KSR1: variants seen among roughly 807,000 people sequenced by gnomAD.
The protein encoded by KSR1 is kinase suppressor of ras.
Under a neutral mutation model 92.9 loss-of-function variants are expected in KSR1, and 35 were observed. The ratio of observed to expected loss-of-function variants is 0.38; its 90% CI spans 0.29 to 0.50. The LOEUF is 0.50. KSR1 is among the 20% of genes least tolerant of loss of function. The probability of loss-of-function intolerance (pLI) is 0.94; values close to 1 mark genes in which losing one functional copy is unlikely to be tolerated. For missense variants in KSR1, 972 were observed against 1,158.5 expected, an observed-to-expected ratio of 0.84 and a Z score of 2.34; for synonymous variants, 467 against 472.6, an observed-to-expected ratio of 0.99 and a Z score of 0.15.
chr17:27,459,467 C>A lies in KSR1; in HGVS notation c.231+2593C>A, dbSNP rs2019334124. ...CAGGTGGGTGACACAAGCCAGGAAA[C>A]AATCTCAGCAAGCTGGGTGGGACCG... On this transcript the variant is annotated intron_variant, in intron 1 of 20. Coordinates refer to ENST00000644974, the MANE Select transcript of KSR1 (RefSeq NM_001394583.1). This position sits in a 1 kb window ranked among gnomAD's most constrained non-coding sequence, Gnocchi z 4.6. Among the ~76,000 whole-genome samples the A allele has an allele frequency of 6.6e-6, 1 of 152,252 alleles. No homozygotes were observed. The highest frequency in any genetic ancestry group is 2.4e-5 in the African/African-American group (1 of 41,464).
At chr17:27,499,334 G>T (rs1467090881) in intron 1 of KSR1, among the ~76,000 whole-genome samples, 2 of 152,184 alleles carry the variant, frequency 1.3e-5, no homozygotes, top group East Asian at 3.9e-4. Flanking sequence ...GGGCACTTGG[G>T]AACCTGGTTA....
At chr17:27,595,424 C>A (rs1050418463) in intron 9 of KSR1, among the ~76,000 whole-genome samples, 1 of 152,252 alleles carries the variant, frequency 6.6e-6, no homozygotes, top group Non-Finnish European at 1.5e-5. Flanking sequence ...AGCGCAGTAA[C>A]GCTCTGACAT....
At chr17:27,622,131 T>C (rs2074241111) in intron 20 of KSR1, 1 of 607,878 alleles carries the variant, frequency 1.6e-6, no homozygotes, top group Non-Finnish European at 2.9e-6. Flanking sequence ...CCACGTGGCC[T>C]GCATATGCCC....
intron 11 of KSR1, chr17:27,601,927 T>C (rs746678647): frequency 1.6e-5 from 25 of 1,609,194 alleles, no homozygotes; most frequent in Middle Eastern, 1.6e-4. Flanking sequence ...AATGCCTCCT[T>C]ATTGCAGAAA....
intron 9 of KSR1, among the ~76,000 whole-genome samples, chr17:27,593,872 C>T (rs375228281): frequency 6.6e-6 from 1 of 152,230 alleles, no homozygotes; most frequent in African/African-American, 2.4e-5. Context: ...GAAGGTCCAC[C>T]TTCTCACAGA....
At chr17:27,481,213 T>C in intron 1 of KSR1, among the ~76,000 whole-genome samples, 1 of 152,308 alleles carries the variant, frequency 6.6e-6, no homozygotes, top group East Asian at 1.9e-4. Context: ...TTTGTGAGTT[T>C]CGTGATTCAC....
At chr17:27,588,329 T>C (rs1179335484) in intron 5 of KSR1, 146 bp from the exon 6 acceptor site, 2 of 605,134 alleles carry the variant, frequency 3.3e-6, no homozygotes, top group Admixed American at 3.3e-5. Context: ...CCTGCTCCTG[T>C]GTTGATGGAC....
At chr17:27,532,984 G>T (rs999725791) in intron 1 of KSR1, among the ~76,000 whole-genome samples, 4 of 152,200 alleles carry the variant, frequency 2.6e-5, no homozygotes, top group Non-Finnish European at 5.9e-5. Flanking sequence ...CGTTGGGTTG[G>T]CTTCCTGACC....
At chr17:27,511,150 T>C (rs752669337) in intron 1 of KSR1, among the ~76,000 whole-genome samples, 2 of 152,370 alleles carry the variant, frequency 1.3e-5, no homozygotes, top group Non-Finnish European at 2.9e-5. Flanking sequence ...GTGAGGAGTT[T>C]CCTGGCTAGA....
intron 1 of KSR1, among the ~76,000 whole-genome samples, chr17:27,499,359 T>C (rs2069098617): frequency 6.6e-6 from 1 of 152,162 alleles, no homozygotes; most frequent in South Asian, 2.1e-4. Flanking sequence ...CATCACAGGG[T>C]GGTTTTATCA....
At chr17:27,484,275 A>G (rs759464655) in intron 1 of KSR1, among the ~76,000 whole-genome samples, 2 of 152,232 alleles carry the variant, frequency 1.3e-5, no homozygotes, top group Non-Finnish European at 2.9e-5. Flanking sequence ...TCTGTCGCCC[A>G]GGCTGGAGTG....
chr17:27,477,862 G>A (rs975864561), intron 1 of KSR1, among the ~76,000 whole-genome samples: 2 of 152,008 alleles, frequency 1.3e-5, no homozygotes, highest in Non-Finnish European at 2.9e-5. Context: ...ATAGATATGC[G>A]CCACTACACA....
At chr17:27,591,163 G>C (rs1374735978) in intron 7 of KSR1, among the ~76,000 whole-genome samples, 1 of 152,172 alleles carries the variant, frequency 6.6e-6, no homozygotes, top group African/African-American at 2.4e-5. Context: ...AGGAATATGA[G>C]GACTGTTCTG....
chr17:27,603,768 G>A, intron 11 of KSR1, 66 bp from the exon 12 acceptor site: 7 of 1,547,438 alleles, frequency 4.5e-6, no homozygotes, highest in Non-Finnish European at 6.2e-6. Context: ...TGGGTTTCAA[G>A]CACGGTGTCT....
At chr17:27,476,244 A>T (rs2068340096) in intron 1 of KSR1, among the ~76,000 whole-genome samples, 1 of 152,170 alleles carries the variant, frequency 6.6e-6, no homozygotes, top group Admixed American at 6.5e-5. Context: ...TGCAAAATTC[A>T]AACTTTCTGG....
intron 1 of KSR1, among the ~76,000 whole-genome samples, chr17:27,549,483 A>C (rs374119565): frequency 3.6e-4 from 55 of 152,178 alleles, no homozygotes; most frequent in African/African-American, 1.3e-3. Flanking sequence ...TCCCCAGTCC[A>C]ATGCTGGGCA....
intron 2 of KSR1, among the ~76,000 whole-genome samples, chr17:27,571,033 C>A (rs1323640865): frequency 6.6e-6 from 1 of 152,200 alleles, no homozygotes; most frequent in South Asian, 2.1e-4. Flanking sequence ...TGTCCGAGGT[C>A]AGGGGCATTG....
chr17:27,509,567 G>A (rs1229382753), intron 1 of KSR1, among the ~76,000 whole-genome samples: 1 of 152,106 alleles, frequency 6.6e-6, no homozygotes, highest in African/African-American at 2.4e-5. Flanking sequence ...AGGATTACAG[G>A]CGTGAGCCAC....
rs1008434460 is a variant in KSR1, at chr17:27,568,752, G to A, written c.373-8740G>A. On this transcript the variant is annotated intron_variant, in intron 2 of 20. Coordinates refer to ENST00000644974, the MANE Select transcript of KSR1 (RefSeq NM_001394583.1). ...TCCCAGTTTGCCGGCAACAGTCCCA[G>A]CTGAGGCCTGCTGTCAGGGCTCTGC... Among the ~76,000 whole-genome samples the A allele has an allele frequency of 3.3e-5, 5 of 152,340 alleles. No individual in the cohort carries two copies. The East Asian group carries it at 9.6e-4, about 29-fold the overall frequency.
Sources: allele counts gnomAD v4.1 joint callset (sites outside exome capture counted in the v4.1 genomes callset), GRCh38; gene constraint gnomAD v4.1.1; non-coding constraint Gnocchi (gnomAD v3.1); transcripts MANE v1.5; gene names NCBI Gene and HGNC (gene_info 2026-07-23, HGNC 2026-07-21).